Variants in TBC1D16 observed in about 807,000 individuals in gnomAD.
TBC1D16 encodes the protein CTD-2529O21.1.
Under a neutral mutation model 74.7 loss-of-function variants are expected in TBC1D16, and 58 were observed. The ratio of observed to expected loss-of-function variants is 0.78; its 90% CI spans 0.63 to 0.97. TBC1D16 has a LOEUF of 0.97. Among genes scored for constraint, TBC1D16 ranks in the 50% least tolerant of loss-of-function variants. The probability of loss-of-function intolerance (pLI) is 0.00; values close to 1 mark genes in which losing one functional copy is unlikely to be tolerated. For synonymous variants in TBC1D16, 493 were observed against 474.7 expected, an observed-to-expected ratio of 1.04 and a Z score of -0.50; for missense variants, 1,014 against 1,079.5, an observed-to-expected ratio of 0.94 and a Z score of 0.85.
At chr17:80,022,549 G>T (rs2036321783) in intron 1 of TBC1D16, among the ~76,000 whole-genome samples, 1 of 149,484 alleles carries the variant, frequency 6.7e-6, no homozygotes, top group South Asian at 2.1e-4. Context: ...ACGTTGGCCA[G>T]GCTGGTCTCG....
chr17:80,031,738 G>C (rs1440202352), intron 1 of TBC1D16, among the ~76,000 whole-genome samples: 1 of 152,206 alleles, frequency 6.6e-6, no homozygotes, highest in African/African-American at 2.4e-5. Context: ...TCAGAGGTGA[G>C]CCTGGATCTG....
chr17:80,000,434 C>T lies in TBC1D16; in HGVS notation c.779+9726G>A, dbSNP rs1183094216. ...GGGGTCGGAATGATGTGGCCACAAGCCAAGGAATGCCTGCAGCCACTCAAA... is the reference window on the plus strand; with the variant it reads ...GGGGTCGGAATGATGTGGCCACAAGTCAAGGAATGCCTGCAGCCACTCAAA... On this transcript the variant is annotated intron_variant, in intron 3 of 11. Transcript: ENST00000310924. The surrounding 1 kb of genome is among the most constrained non-coding windows in gnomAD (Gnocchi z 4.1). Among the ~76,000 whole-genome samples the T allele has an allele frequency of 6.6e-6, 1 of 152,132 alleles. No individual in the cohort carries two copies. The highest frequency in any genetic ancestry group is 2.4e-5 in the African/African-American group (1 of 41,426).
rs1243959766 is a variant in TBC1D16 at position 79,971,536 on chromosome 17, A to G, written c.780-18718T>C. ...AAGTTCGTTCTGCAGGTTTACACAC[A>G]CTTGAAGGTATCTTCCCATGTTGCT... On this transcript the variant is annotated intron_variant, in intron 3 of 11. Transcript: ENST00000310924. This position sits in a 1 kb window ranked among gnomAD's most constrained non-coding sequence, Gnocchi z 4.6. Among the ~76,000 whole-genome samples, 3 of 152,204 alleles carry G rather than the reference A, an allele frequency of 2.0e-5. No homozygotes were observed. The highest frequency in any genetic ancestry group is 2.9e-5 in the Non-Finnish European group (2 of 68,032).
intron 1 of TBC1D16, among the ~76,000 whole-genome samples, chr17:80,023,405 G>A (rs555044386): frequency 4.0e-5 from 6 of 149,908 alleles, no homozygotes; most frequent in South Asian, 2.1e-4. Context: ...CTTCCGCCCC[G>A]CAGTCCCAGC....
chr17:80,026,658 T>C (rs1171556387), intron 1 of TBC1D16, among the ~76,000 whole-genome samples: 3 of 149,670 alleles, frequency 2.0e-5, no homozygotes, highest in Non-Finnish European at 2.9e-5. Flanking sequence ...GCAGCCCAAG[T>C]TGTCTGATGG....
At position 79,994,285 on chromosome 17, in the gene TBC1D16, G is replaced by A. The variant is rs11150827; in HGVS notation, c.779+15875C>T. 0.37 allele frequency among the ~76,000 whole-genome samples: 55,427 copies of A among 149,912 alleles called. 10,621 individuals carry two copies. Among genetic ancestry groups the A allele is most frequent in the African/African-American group, 0.46 (19,056 of 41,078 alleles). ...ACTTCTAGAATCCCAGCTCAGGGCC[G>A]GGGGGGTGCCAGGGCTGTGAACCCC... On this transcript the variant is annotated intron_variant, in intron 3 of 11. Coordinates refer to ENST00000310924, the MANE Select transcript of TBC1D16 (RefSeq NM_019020.4). The surrounding 1 kb of genome is among the most constrained non-coding windows in gnomAD (Gnocchi z 4.6).
chr17:79,948,145 T>C (rs1357444208), intron 8 of TBC1D16, among the ~76,000 whole-genome samples: 1 of 152,110 alleles, frequency 6.6e-6, no homozygotes, highest in Non-Finnish European at 1.5e-5. Flanking sequence ...ACCCTGTCTC[T>C]ACTAAAAATA....
chr17:79,946,242 T>G (rs539511185), intron 9 of TBC1D16, among the ~76,000 whole-genome samples: 1 of 152,378 alleles, frequency 6.6e-6, no homozygotes, highest in South Asian at 2.1e-4. Flanking sequence ...AGGTTGAAAC[T>G]GTTCCCCCTC....
intron 1 of TBC1D16, among the ~76,000 whole-genome samples, chr17:80,019,618 C>T (rs2143064574): frequency 6.7e-6 from 1 of 150,106 alleles, no homozygotes; most frequent in South Asian, 2.1e-4. Flanking sequence ...TAGTTCCCAA[C>T]CTCTGGTCAC....
At position 79,977,365 on chromosome 17, in the gene TBC1D16, C is replaced by T. The variant is rs1413935113; in HGVS notation, c.780-24547G>A. On this transcript the variant is annotated intron_variant, in intron 3 of 11. Coordinates refer to ENST00000310924, the MANE Select transcript of TBC1D16 (RefSeq NM_019020.4). ...CGTGTGGAGCAGCAGCCTCCACCTC[C>T]GGGTCTCTGACTCCAACGAGGCAGA... Among the ~76,000 whole-genome samples, 6 of 152,188 alleles carry T rather than the reference C, an allele frequency of 3.9e-5. No homozygotes were observed. In the East Asian group the frequency reaches 7.7e-4, roughly 20 times the overall value.
Position 79,993,024 on chromosome 17 carries a change from GCA to G in TBC1D16, c.779+17134_779+17135del, listed in dbSNP as rs2035134303. 1.3e-5 allele frequency among the ~76,000 whole-genome samples: 2 copies of G among 152,224 alleles called. No homozygotes were observed. Among genetic ancestry groups the G allele is most frequent in the Non-Finnish European group, 2.9e-5 (2 of 68,034 alleles). ...AGGCCAACACCAGTCCCAGCGGATG[GCA>G]CAGAGATGGGCACTGCTCTCAGGGC... is the stretch of plus-strand genomic sequence containing the variant. On this transcript the variant is annotated intron_variant, in intron 3 of 11. Transcript: ENST00000310924. This position sits in a 1 kb window ranked among gnomAD's most constrained non-coding sequence, Gnocchi z 5.1.
chr17:79,987,702 G>A lies in TBC1D16; in HGVS notation c.779+22458C>T, dbSNP rs569628723. 2.2e-4 allele frequency among the ~76,000 whole-genome samples: 33 copies of A among 152,198 alleles called. No individual in the cohort carries two copies. The highest frequency in any genetic ancestry group is 6.7e-4 in the African/African-American group (28 of 41,528). On this transcript the variant is annotated intron_variant, in intron 3 of 11. Coordinates refer to ENST00000310924, the MANE Select transcript of TBC1D16 (RefSeq NM_019020.4). This position sits in a 1 kb window ranked among gnomAD's most constrained non-coding sequence, Gnocchi z 5.2. ...ACTCCCAGCCACAGCCTCCCTCTGCGGGCAGAACCCTGGGTGCTGCAGGGA... is the reference window on the plus strand; with the variant it reads ...ACTCCCAGCCACAGCCTCCCTCTGCAGGCAGAACCCTGGGTGCTGCAGGGA...
At position 79,944,027 on chromosome 17, in the gene TBC1D16, G is replaced by A. The variant is rs936433868; in HGVS notation, c.1908+881C>T. On this transcript the variant is annotated intron_variant, in intron 10 of 11. Transcript: ENST00000310924. The surrounding 1 kb of genome is among the most constrained non-coding windows in gnomAD (Gnocchi z 7.7). ...GGAAACCTAGACCCGGGCCAGGGGC[G>A]AGCCGATGACCGCATGCAAAGGCGG... is the stretch of plus-strand genomic sequence containing the variant. 9.8e-6 allele frequency: 15 copies of A among 1,535,386 alleles called. No individual in the cohort carries two copies. Among genetic ancestry groups the A allele is most frequent in the African/African-American group, 2.7e-5 (2 of 73,016 alleles).
chr17:79,958,166 A>T (rs2033428190), intron 3 of TBC1D16, among the ~76,000 whole-genome samples: 1 of 152,180 alleles, frequency 6.6e-6, no homozygotes, highest in Non-Finnish European at 1.5e-5. Context: ...GGATTTGGGG[A>T]AACAGACATT....
In TBC1D16 at chr17:79,933,314, G is replaced by C. The variant is rs2031373717; in HGVS notation, c.*7545C>G. On this transcript the variant is annotated 3_prime_UTR_variant, in exon 12 of 12. Coordinates refer to ENST00000310924, the MANE Select transcript of TBC1D16 (RefSeq NM_019020.4). ...GGATACTGAGGGTCCGTCTCACTGG[G>C]ACGAAGAGGGGGCACAGATGCAGGT... The C allele has an allele frequency of 6.6e-6, 1 of 152,118 alleles. No homozygotes were observed. Among genetic ancestry groups the C allele is most frequent in the African/African-American group, 2.4e-5 (1 of 41,382 alleles). The allele number at this position is 152,118 out of a possible 1,614,324, so 9.4% of individuals were successfully genotyped here. A position where few individuals can be genotyped will look rare whatever the true frequency, so the allele number is the denominator to read the frequency against.
At chr17:80,024,097 G>C (rs1249407150) in intron 1 of TBC1D16, 1 of 102,878 alleles carries the variant, frequency 9.7e-6, no homozygotes, top group Non-Finnish European at 2.4e-5. Context: ...TTGGCTTTCC[G>C]CGACAAAGCG....
chr17:79,970,149 A>C (rs1407111791), intron 3 of TBC1D16, among the ~76,000 whole-genome samples: 1 of 152,202 alleles, frequency 6.6e-6, no homozygotes, highest in African/African-American at 2.4e-5. Flanking sequence ...TGAATCCTGA[A>C]AACACGATGC....
chr17:80,018,123 T>C (rs1365782501), intron 1 of TBC1D16, among the ~76,000 whole-genome samples: 8 of 150,312 alleles, frequency 5.3e-5, no homozygotes, highest in Non-Finnish European at 1.0e-4. Context: ...AGACCAGCCA[T>C]GTCCAACAGA....
intron 3 of TBC1D16, among the ~76,000 whole-genome samples, chr17:80,005,403 T>G (rs1260072675): frequency 6.6e-6 from 1 of 152,232 alleles, no homozygotes; most frequent in Non-Finnish European, 1.5e-5. Context: ...CTCGCCCAAC[T>G]GGCCTTTTAG....
Sources: allele counts gnomAD v4.1 joint callset (sites outside exome capture counted in the v4.1 genomes callset), GRCh38; gene constraint gnomAD v4.1.1; non-coding constraint Gnocchi (gnomAD v3.1); transcripts MANE v1.5; gene names NCBI Gene and HGNC (gene_info 2026-07-23, HGNC 2026-07-21).